The following OSBPL10 variants were observed in gnomAD, a reference collection of about 807,000 sequenced individuals.
OSBPL10 encodes the protein oxysterol binding protein like 10, also known as oxysterol-binding protein-related protein 10.
In OSBPL10, 49 loss-of-function variants were observed where a neutral mutation model predicts 81.7. That is an observed-to-expected ratio of 0.60 (90% CI 0.48 to 0.76). The LOEUF is 0.76. Ranked by LOEUF, OSBPL10 falls within the 30% of genes least tolerant of loss-of-function variation. The pLI is 0.00. For missense variants in OSBPL10, 923 were observed against 987.8 expected (o/e 0.93, Z 0.88); for synonymous variants, 419 against 383.6 (o/e 1.09, Z -1.08).
intron 1 of OSBPL10, among the ~76,000 whole-genome samples, chr3:32,077,239 C>T (rs1044001832): frequency 1.3e-5 from 2 of 152,162 alleles, no homozygotes; most frequent in Admixed American, 6.5e-5. Flanking sequence ...ATCTCTTTCA[C>T]GGTCTCAGTT....
chr3:31,983,514 G>A (rs146395269), upstream of OSBPL10, among the ~76,000 whole-genome samples: 134 of 152,314 alleles, frequency 8.8e-4, no homozygotes, highest in African/African-American at 3.1e-3. Context: ...AATAGTCAAG[G>A]CCAGGATGGG....
At position 31,981,074 on chromosome 3, in the gene OSBPL10, C is replaced by A. The variant is rs1022515818; in HGVS notation, c.106G>T (p.Ala36Ser). The A allele has an allele frequency of 2.0e-6, 3 of 1,491,352 alleles. No individual in the cohort carries two copies. The highest frequency in any genetic ancestry group is 2.9e-5 in the African/African-American group (2 of 68,208). 92.4% of individuals were successfully genotyped at this position (1,491,352 alleles called of 1,614,324 possible). The change falls in exon 1 of 12, where the codon GCG becomes TCG. Residue 36 changes from alanine (A) to serine (S), a missense_variant. Physicochemically the swap from Ala to Ser is moderately conservative, Grantham distance 99. Around this residue, in one of 3 missense-constraint regions of OSBPL10, gnomAD observed 514 missense variants for 508.0 expected, o/e 1.01. Transcript: ENST00000396556. This position sits in a 1 kb window ranked among gnomAD's most constrained non-coding sequence, Gnocchi z 4.5. ...SAGSSPSCSL[A>S]GRGVSSRSAA... Reference sequence around the variant, plus strand: ...GACCGGCTGGAGACCCCCCGGCCCGCCAGAGAGCAGGAGGGCGAGGAGCCC... The same window carrying A: ...GACCGGCTGGAGACCCCCCGGCCCGACAGAGAGCAGGAGGGCGAGGAGCCC...
At chr3:31,919,054 G>A (rs1369838432) in intron 1 of OSBPL10, among the ~76,000 whole-genome samples, 2 of 152,114 alleles carry the variant, frequency 1.3e-5, no homozygotes, top group Non-Finnish European at 2.9e-5. Context: ...TCCTGAAGAT[G>A]ATTCCAAATG....
chr3:31,772,493 G>C (rs1397156607), intron 4 of OSBPL10, among the ~76,000 whole-genome samples: 5 of 152,182 alleles, frequency 3.3e-5, no homozygotes, highest in Non-Finnish European at 7.4e-5. Flanking sequence ...TTTTACCAAA[G>C]AGAAAATGAG....
intron 1 of OSBPL10, among the ~76,000 whole-genome samples, chr3:32,056,749 G>A (rs560775934): frequency 2.0e-5 from 3 of 152,292 alleles, no homozygotes; most frequent in East Asian, 1.9e-4. Context: ...TGTCAGAGCC[G>A]TTTGAACCAG....
chr3:31,974,036 G>A (rs1310919641), intron 1 of OSBPL10, among the ~76,000 whole-genome samples: 1 of 152,140 alleles, frequency 6.6e-6, no homozygotes, highest in Non-Finnish European at 1.5e-5. Context: ...CCTGTATACA[G>A]GCATCCAGCA....
At chr3:32,006,697 T>C (rs1293276538) in intron 2 of OSBPL10, among the ~76,000 whole-genome samples, 3 of 152,230 alleles carry the variant, frequency 2.0e-5, no homozygotes, top group African/African-American at 7.2e-5. Flanking sequence ...CTCCACTGAC[T>C]TGTGGTGTCA....
intron 1 of OSBPL10, among the ~76,000 whole-genome samples, chr3:31,972,481 G>A (rs1698592013): frequency 6.8e-6 from 1 of 147,226 alleles, no homozygotes; most frequent in Non-Finnish European, 1.5e-5. Context: ...TCATTGCATT[G>A]TTAGCAGCCC....
intron 4 of OSBPL10, among the ~76,000 whole-genome samples, chr3:31,788,060 A>C (rs537423663): frequency 2.0e-4 from 30 of 152,332 alleles, no homozygotes; most frequent in African/African-American, 6.0e-4. Context: ...TGTTGCTAAT[A>C]CTTCCCAAAG....
At chr3:31,982,287 T>C (rs62244396), upstream of OSBPL10, among the ~76,000 whole-genome samples, 10,498 of 152,228 alleles carry the variant, frequency 0.069, 642 homozygotes, top group East Asian at 0.32. Flanking sequence ...TTTGTGAATA[T>C]AGATATCCAT....
chr3:31,697,410 A>T (rs1377009729), intron 7 of OSBPL10, among the ~76,000 whole-genome samples: 1 of 152,140 alleles, frequency 6.6e-6, no homozygotes, highest in Non-Finnish European at 1.5e-5. Context: ...GTTAGTTACC[A>T]GCAATAGACA....
chr3:31,932,266 C>T (rs904598955), intron 1 of OSBPL10, among the ~76,000 whole-genome samples: 3 of 152,232 alleles, frequency 2.0e-5, no homozygotes, highest in African/African-American at 7.2e-5. Flanking sequence ...ACTCCGAACA[C>T]GGTCTCCTCA....
intron 4 of OSBPL10, among the ~76,000 whole-genome samples, chr3:31,811,651 C>T (rs1699684576): frequency 6.6e-6 from 1 of 151,964 alleles, no homozygotes; most frequent in Non-Finnish European, 1.5e-5. Context: ...TATATCAAGT[C>T]CATAACAATG....
intron 4 of OSBPL10, among the ~76,000 whole-genome samples, chr3:31,778,337 G>T (rs1698601626): frequency 6.6e-6 from 1 of 152,074 alleles, no homozygotes; most frequent in Non-Finnish European, 1.5e-5. Context: ...CTCCACAGTG[G>T]CCGTGGCAAG....
chr3:31,899,142 G>T (rs980217691), intron 1 of OSBPL10, among the ~76,000 whole-genome samples: 2 of 151,626 alleles, frequency 1.3e-5, no homozygotes, highest in Admixed American at 1.3e-4. Flanking sequence ...GGGTTTCACC[G>T]TGTTGCCCAG....
chr3:32,049,877 C>T (rs1166976613), intron 1 of OSBPL10, among the ~76,000 whole-genome samples: 1 of 152,186 alleles, frequency 6.6e-6, no homozygotes, highest in Non-Finnish European at 1.5e-5. Flanking sequence ...CTTTCTCTGG[C>T]CTCCCCGAGC....
At chr3:31,665,248 C>T (rs890534445) in intron 10 of OSBPL10, among the ~76,000 whole-genome samples, 6 of 152,140 alleles carry the variant, frequency 3.9e-5, no homozygotes, top group African/African-American at 1.4e-4. Context: ...ATCAGGACAC[C>T]ACCACCCAAG....
intron 2 of OSBPL10, among the ~76,000 whole-genome samples, chr3:32,039,350 ATTAG>A (rs1311805605): frequency 2.0e-5 from 2 of 100,572 alleles, no homozygotes; most frequent in African/African-American, 5.7e-5. Flanking sequence ...AAATTAATTA[ATTAG>A]TTAATTAAAA....
intron 3 of OSBPL10, among the ~76,000 whole-genome samples, chr3:31,841,654 T>C (rs1468616377): frequency 6.6e-6 from 1 of 152,236 alleles, no homozygotes; most frequent in African/African-American, 2.4e-5. Flanking sequence ...TCCCACCACA[T>C]TTCTTCCAAA....
Sources: allele counts gnomAD v4.1 joint callset (sites outside exome capture counted in the v4.1 genomes callset), GRCh38; gene constraint gnomAD v4.1.1; regional missense constraint gnomAD v4.1.1; non-coding constraint Gnocchi (gnomAD v3.1); transcripts MANE v1.5; gene names NCBI Gene and HGNC (gene_info 2026-07-23, HGNC 2026-07-21).